SYT9: variants seen among roughly 807,000 people sequenced by gnomAD.
SYT9 encodes the protein synaptotagmin 9.
A neutral mutation model predicts 48.4 loss-of-function variants in SYT9; 22 were observed. The ratio of observed to expected loss-of-function variants is 0.45; its 90% CI spans 0.32 to 0.65. SYT9 has a LOEUF of 0.65. SYT9 is among the 30% of genes least tolerant of loss of function. The probability of loss-of-function intolerance (pLI) is 0.03; values close to 1 mark genes in which losing one functional copy is unlikely to be tolerated. For missense variants in SYT9, 577 were observed against 622.0 expected, an observed-to-expected ratio of 0.93 and a Z score of 0.77; for synonymous variants, 265 against 245.0, an observed-to-expected ratio of 1.08 and a Z score of -0.76.
chr11:7,337,895 T>G (rs898859591), intron 3 of SYT9, among the ~76,000 whole-genome samples: 5 of 152,210 alleles, frequency 3.3e-5, no homozygotes, highest in Non-Finnish European at 7.3e-5. Context: ...TGGGGAGGAT[T>G]CCCTCCTCCA....
intron 3 of SYT9, among the ~76,000 whole-genome samples, chr11:7,401,719 A>G (rs1846896497): frequency 6.6e-6 from 1 of 151,798 alleles, no homozygotes; most frequent in South Asian, 2.1e-4. Context: ...TATGGTATCT[A>G]TACAGATTTA....
chr11:7,447,019 G>T (rs1384729751), intron 6 of SYT9, among the ~76,000 whole-genome samples: 1 of 152,228 alleles, frequency 6.6e-6, no homozygotes, highest in Admixed American at 6.5e-5. Flanking sequence ...ACTATTTGCA[G>T]TTTGGCAACA....
intron 2 of SYT9, among the ~76,000 whole-genome samples, chr11:7,309,617 G>GT (rs1564856524): frequency 6.6e-6 from 1 of 152,086 alleles, no homozygotes; most frequent in Admixed American, 6.5e-5. Flanking sequence ...TCTATATTCC[G>GT]TATCTTTCCT....
intron 3 of SYT9, among the ~76,000 whole-genome samples, chr11:7,366,592 G>A (rs1405473549): frequency 6.6e-6 from 1 of 151,716 alleles, no homozygotes; most frequent in South Asian, 2.1e-4. Context: ...AATCCTCCTG[G>A]TTATTATTAT....
At chr11:7,358,268 CT>C (rs138692207) in intron 3 of SYT9, among the ~76,000 whole-genome samples, 9,212 of 151,962 alleles carry the variant, frequency 0.061, 354 homozygotes, top group Middle Eastern at 0.13. Context: ...ACATTGTCTT[CT>C]TTTAAAGTTA....
At chr11:7,302,319 ACC>A (rs1486446715) in intron 1 of SYT9, among the ~76,000 whole-genome samples, 1 of 152,128 alleles carries the variant, frequency 6.6e-6, no homozygotes, top group Admixed American at 6.5e-5. Flanking sequence ...TTGATAATGT[ACC>A]TTTTATTGGC....
At chr11:7,427,780 C>T (rs973006716) in intron 6 of SYT9, 8 of 152,102 alleles carry the variant, frequency 5.3e-5, no homozygotes, top group South Asian at 2.1e-4. Context: ...CATGCCAGCA[C>T]GCATAAACAC....
intron 3 of SYT9, among the ~76,000 whole-genome samples, chr11:7,390,390 C>T (rs890159341): frequency 6.6e-6 from 1 of 152,116 alleles, no homozygotes; most frequent in African/African-American, 2.4e-5. Context: ...TTTTAGAAGC[C>T]CTTAATGACA....
chr11:7,391,764 A>AAAAAC (rs1846618265), intron 3 of SYT9, among the ~76,000 whole-genome samples: 3 of 141,956 alleles, frequency 2.1e-5, no homozygotes, highest in Admixed American at 1.4e-4. Context: ...AAAAAAAAAA[A>AAAAAC]ACCTAGCTAG....
At chr11:7,405,395 C>G (rs548406446) in intron 3 of SYT9, among the ~76,000 whole-genome samples, 2 of 152,256 alleles carry the variant, frequency 1.3e-5, no homozygotes, top group Admixed American at 1.3e-4. Context: ...CGGTTGAGAA[C>G]CACTGATTGA....
chr11:7,253,437 T>G (rs1847910537), intron 1 of SYT9, among the ~76,000 whole-genome samples: 1 of 152,170 alleles, frequency 6.6e-6, no homozygotes, highest in Non-Finnish European at 1.5e-5. Context: ...AAAAGATAAA[T>G]TAAAGAATTA....
At chr11:7,391,930 T>G (rs906022168) in intron 3 of SYT9, among the ~76,000 whole-genome samples, 1 of 151,450 alleles carries the variant, frequency 6.6e-6, no homozygotes, top group African/African-American at 2.4e-5. Context: ...AATAATAATG[T>G]CTGTTCATGT....
upstream of SYT9, among the ~76,000 whole-genome samples, chr11:7,247,562 C>CAT (rs1847806564): frequency 7.3e-6 from 1 of 137,360 alleles, no homozygotes; most frequent in African/African-American, 2.8e-5. Context: ...TGTATATACA[C>CAT]ATATATACAC....
At chr11:7,297,484 A>C (rs1347535312) in intron 1 of SYT9, among the ~76,000 whole-genome samples, 5 of 152,216 alleles carry the variant, frequency 3.3e-5, no homozygotes, top group African/African-American at 1.2e-4. Context: ...CTCTAATATT[A>C]TTACATTTTT....
intron 3 of SYT9, among the ~76,000 whole-genome samples, chr11:7,381,754 G>A (rs1819995716): frequency 6.6e-6 from 1 of 152,128 alleles, no homozygotes; most frequent in South Asian, 2.1e-4. Context: ...TTACAGGAAG[G>A]CACAGAGGTT....
intron 6 of SYT9, among the ~76,000 whole-genome samples, chr11:7,434,703 C>T (rs960218755): frequency 6.6e-6 from 1 of 152,138 alleles, no homozygotes; most frequent in African/African-American, 2.4e-5. Flanking sequence ...ACATTGATAA[C>T]ATTGAAGGCA....
intron 3 of SYT9, among the ~76,000 whole-genome samples, chr11:7,365,105 C>T (rs1850215896): frequency 1.3e-5 from 2 of 151,850 alleles, no homozygotes; most frequent in Admixed American, 6.6e-5. Flanking sequence ...CACAGTGAAA[C>T]GCTCCATTGA....
chr11:7,304,170 T>C (rs1452524401), intron 2 of SYT9, among the ~76,000 whole-genome samples: 1 of 152,204 alleles, frequency 6.6e-6, no homozygotes, highest in Non-Finnish European at 1.5e-5. Flanking sequence ...GTAGGTGGTT[T>C]TAAGAATGAA....
At chr11:7,385,345 T>G (rs1191463424) in intron 3 of SYT9, among the ~76,000 whole-genome samples, 1 of 145,396 alleles carries the variant, frequency 6.9e-6, no homozygotes, top group Non-Finnish European at 1.5e-5. Flanking sequence ...TTGCTCTGTG[T>G]GTGTGTGTGT....
Sources: gnomAD v4.1 joint callset for allele counts (sites outside exome capture counted in the v4.1 genomes callset) on GRCh38, gnomAD v4.1.1 for gene constraint, MANE v1.5 for transcripts, NCBI Gene and HGNC (gene_info 2026-07-23, HGNC 2026-07-21) for gene names.